The following CNTNAP2 variants were observed in gnomAD, a reference collection of about 807,000 sequenced individuals.
CNTNAP2 encodes contactin-associated protein-like 2.
CNTNAP2 carries 98 observed loss-of-function variants against 155.2 expected under a neutral mutation model. The observed-to-expected ratio is 0.63, with a 90% CI of 0.54 to 0.75. The LOEUF (loss-of-function observed/expected upper bound fraction) is 0.75, where lower values mean the gene tolerates loss of function less well. Among genes scored for constraint, CNTNAP2 ranks in the 30% least tolerant of loss-of-function variants. CNTNAP2 has a pLI of 0.00. For missense variants in CNTNAP2, 1,727 were observed against 1,688.1 expected, an observed-to-expected ratio of 1.02 and a Z score of -0.40; for synonymous variants, 651 against 631.2, an observed-to-expected ratio of 1.03 and a Z score of -0.47.
chr7:148,274,267 G>A (rs906383664), intron 21 of CNTNAP2, among the ~76,000 whole-genome samples: 4 of 151,176 alleles, frequency 2.6e-5, no homozygotes, highest in Non-Finnish European at 5.9e-5. Context: ...TCCTTGCTTT[G>A]TTAAGCCACC....
At chr7:147,165,248 AG>A in intron 8 of CNTNAP2, among the ~76,000 whole-genome samples, 1 of 152,270 alleles carries the variant, frequency 6.6e-6, no homozygotes, top group East Asian at 1.9e-4. Flanking sequence ...CCTGATCATT[AG>A]TGACATTGAG....
Position 147,710,100 on chromosome 7 carries a change from A to C in CNTNAP2, c.2098+70794A>C, listed in dbSNP as rs560134886. 2.8e-3 allele frequency among the ~76,000 whole-genome samples: 428 copies of C among 152,300 alleles called. 3 individuals are homozygous for C. The highest frequency in any genetic ancestry group is 0.01 in the African/African-American group (419 of 41,584). On this transcript the variant is annotated intron_variant, in intron 13 of 23. Coordinates refer to ENST00000361727, the MANE Select transcript of CNTNAP2 (RefSeq NM_014141.6). ...TCTTTTTCTCCTGTGCAAGATAACC[A>C]GCTGGCATCCTACAAAACACACATG...
chr7:147,551,581 C>T (rs951688157), intron 11 of CNTNAP2, among the ~76,000 whole-genome samples: 1 of 152,124 alleles, frequency 6.6e-6, no homozygotes, highest in African/African-American at 2.4e-5. Context: ...TAAAACAAGC[C>T]TACATTTATA....
intron 1 of CNTNAP2, among the ~76,000 whole-genome samples, chr7:146,323,973 A>C (rs544331104): frequency 6.6e-6 from 1 of 152,230 alleles, no homozygotes; most frequent in East Asian, 1.9e-4. Context: ...TCAAGTATTT[A>C]TTTCTCGTCA....
intron 13 of CNTNAP2, among the ~76,000 whole-genome samples, chr7:147,727,446 A>G (rs1335580325): frequency 1.3e-5 from 2 of 152,078 alleles, no homozygotes; most frequent in Non-Finnish European, 1.5e-5. Context: ...TATCAGTTGT[A>G]TAATTTTTAT....
chr7:148,023,790 A>C (rs545721616), intron 15 of CNTNAP2, among the ~76,000 whole-genome samples: 2 of 152,166 alleles, frequency 1.3e-5, no homozygotes, highest in African/African-American at 4.8e-5. Context: ...CAACTCCCTG[A>C]AAGTCCTCCT....
intron 10 of CNTNAP2, among the ~76,000 whole-genome samples, chr7:147,419,471 A>G (rs550472391): frequency 6.6e-6 from 1 of 152,312 alleles, no homozygotes; most frequent in South Asian, 2.1e-4. Context: ...AATGAGCTCT[A>G]TGTTCTACAT....
At chr7:147,643,404 A>G (rs1364522364) in intron 13 of CNTNAP2, 1 of 152,208 alleles carries the variant, frequency 6.6e-6, no homozygotes. Flanking sequence ...AATCTGCAGA[A>G]TAGCTGACGC....
chr7:146,935,513 T>C (rs890897698), intron 3 of CNTNAP2, among the ~76,000 whole-genome samples: 8 of 152,198 alleles, frequency 5.3e-5, no homozygotes, highest in African/African-American at 1.9e-4. Flanking sequence ...TTCACTCTTC[T>C]AGAAGGGCAT....
intron 1 of CNTNAP2, among the ~76,000 whole-genome samples, chr7:146,131,488 T>G (rs1289748643): frequency 1.3e-5 from 2 of 152,204 alleles, no homozygotes; most frequent in East Asian, 3.8e-4. Context: ...AAAATGTATC[T>G]TTCATTCTTA....
intron 8 of CNTNAP2, among the ~76,000 whole-genome samples, chr7:147,254,945 G>T (rs1804288586): frequency 6.6e-6 from 1 of 152,180 alleles, no homozygotes; most frequent in South Asian, 2.1e-4. Context: ...GCTCAGAAAA[G>T]AGAAGAAATG....
chr7:146,249,789 T>C (rs548351325), intron 1 of CNTNAP2, among the ~76,000 whole-genome samples: 1 of 152,268 alleles, frequency 6.6e-6, no homozygotes, highest in African/African-American at 2.4e-5. Flanking sequence ...ACAGAAAACA[T>C]AGCATTTTAT....
chr7:147,410,384 G>A (rs1842275), intron 10 of CNTNAP2, among the ~76,000 whole-genome samples: 53,442 of 151,970 alleles, frequency 0.35, 9,525 homozygotes, highest in Admixed American at 0.39. Context: ...ACTGGGGCCT[G>A]TCAGAGAGTG....
intron 10 of CNTNAP2, among the ~76,000 whole-genome samples, chr7:147,456,715 C>A (rs1038866496): frequency 2.0e-5 from 3 of 151,690 alleles, no homozygotes; most frequent in African/African-American, 7.3e-5. Context: ...AAAAATTAAT[C>A]ACAGGAAAAA....
chr7:146,788,126 G>C (rs1379486607), intron 2 of CNTNAP2, among the ~76,000 whole-genome samples: 1 of 152,202 alleles, frequency 6.6e-6, no homozygotes, highest in Non-Finnish European at 1.5e-5. Flanking sequence ...GCAGCCCAGA[G>C]GGAGCTTGTC....
chr7:146,703,156 C>T (rs1800905740), intron 1 of CNTNAP2, among the ~76,000 whole-genome samples: 1 of 152,124 alleles, frequency 6.6e-6, no homozygotes, highest in Non-Finnish European at 1.5e-5. Context: ...TACTCACATT[C>T]AATCAACTAG....
chr7:146,629,789 T>A (rs1304892519), intron 1 of CNTNAP2, among the ~76,000 whole-genome samples: 3 of 152,144 alleles, frequency 2.0e-5, no homozygotes, highest in Non-Finnish European at 4.4e-5. Context: ...AAGAAGAAAC[T>A]GGAGGCTTAT....
At chr7:147,383,986 T>A (rs4726853) in intron 9 of CNTNAP2, among the ~76,000 whole-genome samples, 24,388 of 151,850 alleles carry the variant, frequency 0.16, 2,220 homozygotes, top group East Asian at 0.35. Context: ...ATGAAAAAAA[T>A]TTATAGAAAA....
At chr7:147,604,457 T>C (rs1563017999) in intron 12 of CNTNAP2, among the ~76,000 whole-genome samples, 1 of 152,186 alleles carries the variant, frequency 6.6e-6, no homozygotes, top group African/African-American at 2.4e-5. Flanking sequence ...TACCTTCCAG[T>C]TGGTTTTTAA....
Sources: allele counts gnomAD v4.1 joint callset (sites outside exome capture counted in the v4.1 genomes callset), GRCh38; gene constraint gnomAD v4.1.1; transcripts MANE v1.5; gene names NCBI Gene and HGNC (gene_info 2026-07-23, HGNC 2026-07-21).